CRACD: variants seen among roughly 807,000 people sequenced by gnomAD.
The protein encoded by CRACD is capping protein inhibiting regulator of actin dynamics.
A neutral mutation model predicts 106.8 loss-of-function variants in CRACD; 56 were observed. The ratio of observed to expected loss-of-function variants is 0.52; its 90% CI spans 0.42 to 0.66. The LOEUF (loss-of-function observed/expected upper bound fraction) is 0.66. CRACD is among the 30% of genes least tolerant of loss of function. The probability of loss-of-function intolerance (pLI) is 0.00; values close to 1 mark genes in which losing one functional copy is unlikely to be tolerated. For missense variants in CRACD, 1,730 were observed against 1,623.2 expected (o/e 1.07, Z -1.13); for synonymous variants, 754 against 670.8 (o/e 1.12, Z -1.92).
rs1469000922 is a variant in CRACD at position 56,122,369 on chromosome 4, G to A, written c.-335-56915G>A. On this transcript the variant is annotated intron_variant, in intron 1 of 10. Coordinates refer to ENST00000682029, the MANE Select transcript of CRACD (RefSeq NM_001393381.1). ...AGAAAAAAAAAGTCAGGAAAAGCAG[G>A]GAAGGGGAAAAAGAAGCAAAAAATT... Among the ~76,000 whole-genome samples the A allele has an allele frequency of 2.0e-5, 3 of 151,236 alleles. No homozygotes were observed. The East Asian group carries it at 5.8e-4, about 29-fold the overall frequency.
At chr4:56,257,930 C>T (rs190178435) in intron 2 of CRACD, among the ~76,000 whole-genome samples, 2,610 of 151,950 alleles carry the variant, frequency 0.017, 31 homozygotes, top group Middle Eastern at 0.034. Context: ...ATTAGCCGGG[C>T]ATGGTGGCGC....
Position 56,315,712 on chromosome 4 carries a change from A to T in CRACD, c.2210A>T (p.Lys737Ile), listed in dbSNP as rs930377844. Residue 737 changes from lysine (K) to isoleucine (I), a missense_variant, in exon 8 of 11, where the codon AAA becomes ATA. Physicochemically the swap from Lys to Ile is moderately radical, Grantham distance 102. Around this residue, in one of 5 missense-constraint regions of CRACD, gnomAD observed 1,620 missense variants for 1,481.6 expected, o/e 1.09. Coordinates refer to ENST00000682029, the MANE Select transcript of CRACD (RefSeq NM_001393381.1). The surrounding 1 kb of genome is among the most constrained non-coding windows in gnomAD (Gnocchi z 4.1). ...KFSDGGTETS[K>I]QSTEAESIRK... ...TCCGATGGTGGCACGGAGACCTCCA[A>T]ACAGAGCACGGAAGCTGAAAGCATA... 1 of 1,614,036 alleles carries T rather than the reference A, an allele frequency of 6.2e-7. No individual in the cohort carries two copies. Among genetic ancestry groups the T allele is most frequent in the African/African-American group, 1.3e-5 (1 of 74,916 alleles).
At chr4:56,076,242 G>T (rs1298460271) in intron 1 of CRACD, among the ~76,000 whole-genome samples, 3 of 152,160 alleles carry the variant, frequency 2.0e-5, no homozygotes, top group African/African-American at 7.2e-5. Context: ...AAGGAACCCT[G>T]CCGGCACCTT....
At chr4:56,236,749 A>C (rs1369292105) in intron 2 of CRACD, among the ~76,000 whole-genome samples, 3 of 152,200 alleles carry the variant, frequency 2.0e-5, no homozygotes, top group South Asian at 2.1e-4. Flanking sequence ...AAAAAAAAAA[A>C]ACAAAACTTT....
chr4:56,296,066 C>T (rs1037864672), intron 3 of CRACD, among the ~76,000 whole-genome samples: 1 of 152,182 alleles, frequency 6.6e-6, no homozygotes, highest in Non-Finnish European at 1.5e-5. Flanking sequence ...AACCCTCTCA[C>T]AGTCCAGGCC....
At chr4:56,318,485 G>A (rs536914121) in intron 8 of CRACD, among the ~76,000 whole-genome samples, 2 of 152,204 alleles carry the variant, frequency 1.3e-5, no homozygotes, top group African/African-American at 2.4e-5. Flanking sequence ...TCACAGCCTC[G>A]TCTGCTATGT....
intron 1 of CRACD, among the ~76,000 whole-genome samples, chr4:56,058,750 C>T (rs2109783316): frequency 6.6e-6 from 1 of 152,328 alleles, no homozygotes; most frequent in African/African-American, 2.4e-5. Flanking sequence ...TGATTAGCAT[C>T]TTAAAGATGT....
intron 1 of CRACD, among the ~76,000 whole-genome samples, chr4:56,125,110 AAAG>A (rs1734615532): frequency 1.3e-5 from 2 of 152,226 alleles, no homozygotes; most frequent in South Asian, 4.1e-4. Context: ...CTTTCATAGT[AAAG>A]AAGATGTTGT....
chr4:56,142,565 A>T (rs1368923014), intron 1 of CRACD, among the ~76,000 whole-genome samples: 1 of 152,056 alleles, frequency 6.6e-6, no homozygotes, highest in African/African-American at 2.4e-5. Context: ...TGTTTATGTA[A>T]TTCTACCTAC....
At chr4:56,083,837 C>T (rs1733122587) in intron 1 of CRACD, among the ~76,000 whole-genome samples, 1 of 151,922 alleles carries the variant, frequency 6.6e-6, no homozygotes, top group East Asian at 1.9e-4. Flanking sequence ...ATTAGCTGGG[C>T]GTGGTGGTGC....
chr4:56,238,362 G>A (rs561787598), intron 2 of CRACD, among the ~76,000 whole-genome samples: 2 of 152,350 alleles, frequency 1.3e-5, no homozygotes, highest in East Asian at 1.9e-4. Context: ...TTGGCTTCAG[G>A]ATAGCTGGAC....
At position 56,313,231 on chromosome 4, in the gene CRACD, A is replaced by G; in HGVS notation, c.389A>G (p.His130Arg). The change falls in exon 7 of 11, where the codon CAC becomes CGC. Residue 130 changes from histidine (H) to arginine (R), a missense_variant. By Grantham distance (29) the His-to-Arg change is conservative (BLOSUM62 0). Coordinates refer to ENST00000682029, the MANE Select transcript of CRACD (RefSeq NM_001393381.1). ...GTTAAACCGTCTCGGCCAAAAAGGC[A>G]CTTCTCTTCTGCTGGCACCATCGAA... ...APVKPSRPKR[H>R]FSSAGTIESV... 6.2e-7 allele frequency: 1 copy of G among 1,614,110 alleles called. No homozygotes were observed.
chr4:56,161,906 G>C (rs574846104), intron 1 of CRACD, among the ~76,000 whole-genome samples: 1 of 151,700 alleles, frequency 6.6e-6, no homozygotes, highest in Non-Finnish European at 1.5e-5. Flanking sequence ...TGGGATTACA[G>C]GTGCATGCCA....
At chr4:56,132,890 A>G (rs1734873887) in intron 1 of CRACD, among the ~76,000 whole-genome samples, 1 of 152,238 alleles carries the variant, frequency 6.6e-6, no homozygotes, top group Admixed American at 6.5e-5. Flanking sequence ...CATCTAAAAT[A>G]AAAATATATC....
chr4:56,310,800 T>C (rs60121364), intron 6 of CRACD, 66 bp downstream of exon 6: 302,597 of 683,140 alleles, frequency 0.44, 46,465 homozygotes, highest in Non-Finnish European at 0.48. Flanking sequence ...CCCCCCCCCT[T>C]TTTTTTTTTT....
In CRACD at chr4:56,100,837, C is replaced by A. The variant is rs533832932; in HGVS notation, c.-336+51538C>A. 3.3e-5 allele frequency among the ~76,000 whole-genome samples: 5 copies of A among 152,278 alleles called. No homozygotes were observed. The East Asian group carries it at 9.6e-4, about 29-fold the overall frequency. On this transcript the variant is annotated intron_variant, in intron 1 of 10. Transcript: ENST00000682029. The stretch of plus-strand genomic sequence containing the variant: ...GTACATTTCTGTTGTTTAAGCCACC[C>A]AGTTTGTGGTAGTTGGTTATGGCAG...
At chr4:56,317,148 G>A (rs773955633) in intron 8 of CRACD, among the ~76,000 whole-genome samples, 4 of 152,236 alleles carry the variant, frequency 2.6e-5, no homozygotes, top group East Asian at 1.9e-4. Context: ...CAGATAAGGA[G>A]TTTTGCCTCT....
At chr4:56,207,690 G>A (rs1577740421) in intron 2 of CRACD, among the ~76,000 whole-genome samples, 1 of 146,030 alleles carries the variant, frequency 6.8e-6, no homozygotes, top group East Asian at 2.1e-4. Context: ...AGAGATAAGA[G>A]TTCTCATGAT....
At chr4:56,084,040 T>C (rs572413569) in intron 1 of CRACD, among the ~76,000 whole-genome samples, 1 of 152,232 alleles carries the variant, frequency 6.6e-6, no homozygotes, top group East Asian at 1.9e-4. Flanking sequence ...GATTCAACAG[T>C]GAGGTATGAG....
Sources: allele counts gnomAD v4.1 joint callset (sites outside exome capture counted in the v4.1 genomes callset), GRCh38; gene constraint gnomAD v4.1.1; regional missense constraint gnomAD v4.1.1; non-coding constraint Gnocchi (gnomAD v3.1); transcripts MANE v1.5; gene names NCBI Gene and HGNC (gene_info 2026-07-23, HGNC 2026-07-21).